ELP4: variants seen among roughly 807,000 people sequenced by gnomAD.
ELP4 encodes the protein elongator complex protein 4.
ELP4 carries 51 observed loss-of-function variants against 48.9 expected under a neutral mutation model. That is an observed-to-expected ratio of 1.04 (90% CI 0.83 to 1.32). The LOEUF (loss-of-function observed/expected upper bound fraction) is 1.32, where lower values mean the gene tolerates loss of function less well. ELP4 is among the 40% of genes most tolerant of loss of function. The pLI, the probability that ELP4 is intolerant of heterozygous loss-of-function variation, is 0.00. For missense variants in ELP4, 519 were observed against 514.6 expected (o/e 1.01, Z -0.08); for synonymous variants, 210 against 189.2 (o/e 1.11, Z -0.90).
intron 9 of ELP4, among the ~76,000 whole-genome samples, chr11:31,695,579 T>G (rs1946384651): frequency 6.6e-6 from 1 of 151,188 alleles, no homozygotes; most frequent in Non-Finnish European, 1.5e-5. Context: ...ATTGAGGATT[T>G]CTGCATAGAT....
At chr11:31,709,670 T>G (rs1946700954) in intron 9 of ELP4, among the ~76,000 whole-genome samples, 1 of 152,078 alleles carries the variant, frequency 6.6e-6, no homozygotes, top group African/African-American at 2.4e-5. Context: ...TTGAATAAAA[T>G]AAGATAATAA....
intron 9 of ELP4, among the ~76,000 whole-genome samples, chr11:31,668,817 C>T (rs1945741740): frequency 6.6e-6 from 1 of 151,700 alleles, no homozygotes; most frequent in Non-Finnish European, 1.5e-5. Context: ...CATACTGAGT[C>T]AATTGAACTT....
intron 6 of ELP4, among the ~76,000 whole-genome samples, chr11:31,631,355 T>G (rs994927235): frequency 3.3e-5 from 5 of 152,128 alleles, no homozygotes; most frequent in Non-Finnish European, 7.4e-5. Context: ...GCAAACTTAC[T>G]TTTCCCATCA....
chr11:31,776,034 C>T (rs1329841913), intron 9 of ELP4, among the ~76,000 whole-genome samples: 1 of 151,024 alleles, frequency 6.6e-6, no homozygotes, highest in East Asian at 1.9e-4. Context: ...ATCTGCGGTC[C>T]CAGTTGTTTG....
At chr11:31,719,661 G>A (rs946287138) in intron 9 of ELP4, 20 of 389,740 alleles carry the variant, frequency 5.1e-5, no homozygotes, top group African/African-American at 1.2e-4. Flanking sequence ...AATATAGGGC[G>A]AATTATACAG....
At chr11:31,754,940 T>G (rs1339073594) in intron 9 of ELP4, among the ~76,000 whole-genome samples, 1 of 152,202 alleles carries the variant, frequency 6.6e-6, no homozygotes, top group Non-Finnish European at 1.5e-5. Context: ...GTGCCAGTTC[T>G]TGCTCTCTGA....
intron 9 of ELP4, among the ~76,000 whole-genome samples, chr11:31,716,745 G>C (rs536700670): frequency 2.0e-5 from 3 of 152,274 alleles, no homozygotes; most frequent in African/African-American, 7.2e-5. Flanking sequence ...TGCTTTGGAT[G>C]ATACAAAATA....
At chr11:31,638,937 T>C (rs1945033368) in intron 7 of ELP4, among the ~76,000 whole-genome samples, 1 of 151,870 alleles carries the variant, frequency 6.6e-6, no homozygotes, top group Non-Finnish European at 1.5e-5. Flanking sequence ...AAATATACTT[T>C]TGTGAGTTTA....
chr11:31,517,081 C>T (rs1485457139), intron 1 of ELP4, among the ~76,000 whole-genome samples: 7 of 152,120 alleles, frequency 4.6e-5, no homozygotes, highest in Non-Finnish European at 1.0e-4. Context: ...GCACAAGTCT[C>T]ATGTTGCATA....
intron 6 of ELP4, 113 bp from the exon 7 acceptor site, chr11:31,632,104 C>T: frequency 1.3e-6 from 1 of 791,344 alleles, no homozygotes; most frequent in Non-Finnish European, 1.9e-6. Context: ...ATTTTTAACA[C>T]ATCTATTGAC....
In ELP4 at chr11:31,545,841, A is replaced by C. The variant is rs1956699232; in HGVS notation, c.381+6058A>C. On this transcript the variant is annotated intron_variant, in intron 3 of 9. Transcript: ENST00000640961. ...TGGGGGCCAATATTGAACATTCTTA[A>C]AGAAAAGAATATTCAACCCAGAATT... 2.6e-5 allele frequency among the ~76,000 whole-genome samples: 4 copies of C among 152,198 alleles called. No homozygotes were observed. In the South Asian group the frequency reaches 8.3e-4, roughly 32 times the overall value.
intron 9 of ELP4, among the ~76,000 whole-genome samples, chr11:31,746,735 T>C (rs1947601774): frequency 6.6e-6 from 1 of 151,798 alleles, no homozygotes; most frequent in African/African-American, 2.4e-5. Context: ...CCGGGGACTG[T>C]TGTGGGGTCG....
At chr11:31,523,848 CTG>C (rs1412786249) in intron 2 of ELP4, among the ~76,000 whole-genome samples, 1 of 151,998 alleles carries the variant, frequency 6.6e-6, no homozygotes, top group African/African-American at 2.4e-5. Context: ...TTCTGACAGT[CTG>C]TTACATTGGT....
rs527323110 is a variant in ELP4 at position 31,638,546 on chromosome 11, G to A, written c.927+6141G>A. ...TACCAAGGAAAATTCATTTTCTGAC[G>A]AAAAGGAGGGAGAAAGGGCCTTTTT... On this transcript the variant is annotated intron_variant, in intron 7 of 9. Transcript: ENST00000640961. 1.9e-4 allele frequency among the ~76,000 whole-genome samples: 29 copies of A among 151,912 alleles called. No homozygotes were observed. In the East Asian group the frequency reaches 5.4e-3, roughly 28 times the overall value.
chr11:31,691,708 G>C (rs1173919732), intron 9 of ELP4, among the ~76,000 whole-genome samples: 1 of 152,032 alleles, frequency 6.6e-6, no homozygotes, highest in Non-Finnish European at 1.5e-5. Flanking sequence ...TATGACTGAA[G>C]TTTCTTTCTG....
intron 6 of ELP4, among the ~76,000 whole-genome samples, chr11:31,631,118 T>A (rs1401498503): frequency 6.6e-6 from 1 of 152,174 alleles, no homozygotes; most frequent in Non-Finnish European, 1.5e-5. Context: ...TTGTATTCAT[T>A]TTTCTTCCTT....
At chr11:31,627,955 T>C (rs1007841044) in intron 6 of ELP4, among the ~76,000 whole-genome samples, 1 of 152,138 alleles carries the variant, frequency 6.6e-6, no homozygotes. Flanking sequence ...GCTCAACTCA[T>C]GGATTTTTAA....
intron 3 of ELP4, among the ~76,000 whole-genome samples, chr11:31,545,834 A>G (rs1237037726): frequency 6.6e-6 from 1 of 152,220 alleles, no homozygotes; most frequent in African/African-American, 2.4e-5. Flanking sequence ...AATATTGAAC[A>G]TTCTTAAAGA....
chr11:31,790,316 T>G lies in ELP4; in HGVS notation c.*6792T>G, dbSNP rs1193113499. On this transcript the variant is annotated 3_prime_UTR_variant, in exon 10 of 10. Coordinates refer to ENST00000640961, the MANE Select transcript of ELP4 (RefSeq NM_019040.5). ...TTGGAACTTTTACAATAAAGCTGTC[T>G]CTGGAAAACCAATGTGTCACTTTTT... is the stretch of plus-strand genomic sequence containing the variant. 1 of 654,556 alleles carries G rather than the reference T, an allele frequency of 1.5e-6. No homozygotes were observed. The highest frequency in any genetic ancestry group is 2.2e-6 in the Non-Finnish European group (1 of 447,332). 40.5% of individuals were successfully genotyped at this position (654,556 alleles called of 1,614,324 possible).
Sources: allele counts gnomAD v4.1 joint callset (sites outside exome capture counted in the v4.1 genomes callset), GRCh38; gene constraint gnomAD v4.1.1; transcripts MANE v1.5; gene names NCBI Gene and HGNC (gene_info 2026-07-23, HGNC 2026-07-21).